The following SDK1 variants were observed in gnomAD, a reference collection of about 807,000 sequenced individuals.
SDK1 encodes sidekick cell adhesion molecule 1.
Under a neutral mutation model 245.5 loss-of-function variants are expected in SDK1, and 157 were observed. The observed-to-expected ratio is 0.64, with a 90% CI of 0.56 to 0.73. The LOEUF (loss-of-function observed/expected upper bound fraction) is 0.73. Among genes scored for constraint, SDK1 ranks in the 30% least tolerant of loss-of-function variants. SDK1 has a pLI of 0.00. For missense variants in SDK1, 3,583 were observed against 3,002.3 expected, an observed-to-expected ratio of 1.19 and a Z score of -4.52; for synonymous variants, 1,647 against 1,278.5, an observed-to-expected ratio of 1.29 and a Z score of -6.15.
At chr7:3,468,639 A>G (rs1448395838) in intron 1 of SDK1, among the ~76,000 whole-genome samples, 1 of 140,654 alleles carries the variant, frequency 7.1e-6, no homozygotes, top group Non-Finnish European at 1.5e-5. Flanking sequence ...CCCAGAAGGA[A>G]GGAGTATTGA....
At chr7:4,155,713 C>T (rs1386257079) in intron 30 of SDK1, among the ~76,000 whole-genome samples, 1 of 152,192 alleles carries the variant, frequency 6.6e-6, no homozygotes, top group Non-Finnish European at 1.5e-5. Context: ...CAACCCCCCA[C>T]CCCAGCCTGA....
chr7:3,604,412 G>A lies in SDK1; in HGVS notation c.299-14668G>A, dbSNP rs868728322. On this transcript the variant is annotated intron_variant, in intron 1 of 44. Transcript: ENST00000404826. ...CACTTTCCTTCTTTTGAGGTAGGAA[G>A]GTGGGTTATTGACTTCAGGCTTTCC... 1.1e-3 allele frequency among the ~76,000 whole-genome samples: 169 copies of A among 152,094 alleles called. 2 individuals carry two copies. Among genetic ancestry groups the A allele is most frequent in the African/African-American group, 3.9e-3 (161 of 41,488 alleles).
intron 4 of SDK1, among the ~76,000 whole-genome samples, chr7:3,761,219 T>C (rs998720562): frequency 9.2e-5 from 14 of 151,756 alleles, no homozygotes; most frequent in African/African-American, 3.1e-4. Context: ...TCTAATTTCA[T>C]TGAAAAATCC....
At chr7:3,719,129 G>A (rs1785288955) in intron 4 of SDK1, among the ~76,000 whole-genome samples, 1 of 151,830 alleles carries the variant, frequency 6.6e-6, no homozygotes, top group Non-Finnish European at 1.5e-5. Context: ...ATTTCATTTG[G>A]GGATAAATCT....
At chr7:3,681,267 A>G (rs892069685) in intron 4 of SDK1, among the ~76,000 whole-genome samples, 1 of 152,180 alleles carries the variant, frequency 6.6e-6, no homozygotes, top group Non-Finnish European at 1.5e-5. Flanking sequence ...TTCTTTGAAC[A>G]TAGTTTTTGT....
intron 5 of SDK1, among the ~76,000 whole-genome samples, chr7:3,935,585 C>T (rs1212318703): frequency 6.6e-6 from 1 of 152,080 alleles, no homozygotes; most frequent in Non-Finnish European, 1.5e-5. Flanking sequence ...AGGCATTTCT[C>T]CAAAGAAGAG....
At chr7:3,738,560 T>G (rs1779385547) in intron 4 of SDK1, among the ~76,000 whole-genome samples, 1 of 152,206 alleles carries the variant, frequency 6.6e-6, no homozygotes, top group South Asian at 2.1e-4. Flanking sequence ...GCTTTTTTAT[T>G]TCTGCAAAAG....
intron 1 of SDK1, among the ~76,000 whole-genome samples, chr7:3,611,779 C>T (rs1171162925): frequency 6.6e-6 from 1 of 151,974 alleles, no homozygotes; most frequent in Non-Finnish European, 1.5e-5. Flanking sequence ...CAATGCTATG[C>T]CTCCTTACTC....
intron 1 of SDK1, among the ~76,000 whole-genome samples, chr7:3,331,721 G>C (rs1780073670): frequency 1.3e-5 from 2 of 151,936 alleles, no homozygotes; most frequent in South Asian, 4.2e-4. Context: ...TGGATACCAG[G>C]TTCATAAGAT....
chr7:3,672,758 T>TA (rs60804020), intron 4 of SDK1, among the ~76,000 whole-genome samples: 22,835 of 67,500 alleles, frequency 0.34, 4,410 homozygotes, highest in African/African-American at 0.49. Context: ...AATATATAAT[T>TA]TTATATATAT....
intron 20 of SDK1, among the ~76,000 whole-genome samples, chr7:4,072,326 T>C (rs754705277): frequency 4.6e-5 from 7 of 152,204 alleles, no homozygotes; most frequent in Admixed American, 3.9e-4. Flanking sequence ...TGTCCCCTTC[T>C]GTGTGTGGCC....
chr7:4,067,136 A>C (rs1779958822), intron 19 of SDK1, among the ~76,000 whole-genome samples: 1 of 152,160 alleles, frequency 6.6e-6, no homozygotes, highest in South Asian at 2.1e-4. Flanking sequence ...TTCACACATT[A>C]ACAGACTAAG....
chr7:3,917,911 T>C (rs926274324), intron 5 of SDK1, among the ~76,000 whole-genome samples: 1 of 152,114 alleles, frequency 6.6e-6, no homozygotes, highest in Non-Finnish European at 1.5e-5. Flanking sequence ...GATGGGAAGA[T>C]TTGGGGCTCA....
chr7:3,762,561 G>A (rs534951368), intron 4 of SDK1, among the ~76,000 whole-genome samples: 3 of 152,312 alleles, frequency 2.0e-5, no homozygotes, highest in South Asian at 4.1e-4. Context: ...GCTTTGGTTG[G>A]TTGGGTACTT....
intron 4 of SDK1, among the ~76,000 whole-genome samples, chr7:3,644,518 A>G (rs1048435656): frequency 6.6e-6 from 1 of 151,520 alleles, no homozygotes; most frequent in Non-Finnish European, 1.5e-5. Context: ...TAATCTCGGC[A>G]CTTTAGGATG....
At chr7:4,170,845 G>A (rs1212017767) in intron 32 of SDK1, among the ~76,000 whole-genome samples, 1 of 152,140 alleles carries the variant, frequency 6.6e-6, no homozygotes, top group East Asian at 1.9e-4. Flanking sequence ...GCTGGAGAAA[G>A]AGCAAATGAG....
chr7:4,207,431 G>A (rs75967417), intron 36 of SDK1, among the ~76,000 whole-genome samples: 10,756 of 152,166 alleles, frequency 0.071, 398 homozygotes, highest in Middle Eastern at 0.11. Flanking sequence ...GTGCTTGGGC[G>A]TCAAGTTCAA....
chr7:3,782,076 G>A (rs1780762990), intron 4 of SDK1, among the ~76,000 whole-genome samples: 3 of 152,186 alleles, frequency 2.0e-5, no homozygotes, highest in African/African-American at 7.2e-5. Context: ...TTGCATTGCT[G>A]TAAAGGAATA....
chr7:3,673,546 T>G (rs746540767), intron 4 of SDK1, among the ~76,000 whole-genome samples: 37 of 152,248 alleles, frequency 2.4e-4, no homozygotes, highest in Non-Finnish European at 5.1e-4. Flanking sequence ...GCCGGCCTGT[T>G]ATTACATGAG....
Sources: gnomAD v4.1 joint callset for allele counts (sites outside exome capture counted in the v4.1 genomes callset) on GRCh38, gnomAD v4.1.1 for gene constraint, MANE v1.5 for transcripts, NCBI Gene and HGNC (gene_info 2026-07-23, HGNC 2026-07-21) for gene names.